Variants in VWC2 observed in about 807,000 individuals in gnomAD.
The protein encoded by VWC2 is brorin.
Under a neutral mutation model 29.8 loss-of-function variants are expected in VWC2, and 14 were observed. The observed-to-expected ratio is 0.47, with a 90% CI of 0.31 to 0.74. The LOEUF is 0.74. Among genes scored for constraint, VWC2 ranks in the 30% least tolerant of loss-of-function variants. VWC2 has a pLI of 0.05. For synonymous variants in VWC2, 213 were observed against 199.0 expected, an observed-to-expected ratio of 1.07 and a Z score of -0.59; for missense variants, 457 against 459.8, an observed-to-expected ratio of 0.99 and a Z score of 0.05.
chr7:49,906,110 CG>C (rs1554343765), intron 3 of VWC2, among the ~76,000 whole-genome samples: 1 of 152,122 alleles, frequency 6.6e-6, no homozygotes, highest in African/African-American at 2.4e-5. Context: ...GCTTTGTCTA[CG>C]GAGTAGCCAT....
chr7:49,834,711 A>G (rs544550924), intron 3 of VWC2, among the ~76,000 whole-genome samples: 4 of 152,346 alleles, frequency 2.6e-5, no homozygotes, highest in Admixed American at 6.5e-5. Flanking sequence ...TCAAGTAAGA[A>G]GCAAATCCCA....
intron 3 of VWC2, among the ~76,000 whole-genome samples, chr7:49,803,487 C>T (rs967411742): frequency 6.6e-5 from 10 of 152,288 alleles, no homozygotes; most frequent in African/African-American, 2.2e-4. Flanking sequence ...AATTATGGCC[C>T]GGAGGGCAGT....
chr7:49,877,188 G>A lies in VWC2; in HGVS notation c.827-34846G>A, dbSNP rs545149157. 5.3e-5 allele frequency among the ~76,000 whole-genome samples: 8 copies of A among 151,952 alleles called. No individual in the cohort carries two copies. In the South Asian group the frequency reaches 6.2e-4, roughly 12 times the overall value. ...CAAAAATATTTATTTGGGGCCGGGC[G>A]TAATGGCTCATGCCTGTAATCCCAG... On this transcript the variant is annotated intron_variant, in intron 3 of 3. Coordinates refer to ENST00000340652, the MANE Select transcript of VWC2 (RefSeq NM_198570.5).
intron 3 of VWC2, among the ~76,000 whole-genome samples, chr7:49,876,943 A>G (rs1791437259): frequency 6.6e-6 from 1 of 151,930 alleles, no homozygotes; most frequent in African/African-American, 2.4e-5. Flanking sequence ...TCTTTGCCCA[A>G]TTTCTTTTGA....
chr7:49,893,935 C>T (rs564209327), intron 3 of VWC2, among the ~76,000 whole-genome samples: 51 of 152,096 alleles, frequency 3.4e-4, no homozygotes, highest in South Asian at 4.1e-4. Context: ...AAATAAAATG[C>T]GTTGCCACAA....
chr7:49,831,386 G>A (rs911616824), intron 3 of VWC2, among the ~76,000 whole-genome samples: 1 of 152,122 alleles, frequency 6.6e-6, no homozygotes, highest in African/African-American at 2.4e-5. Flanking sequence ...CTGAACACTA[G>A]AATTCAGGAA....
intron 2 of VWC2, among the ~76,000 whole-genome samples, chr7:49,788,759 GGGGTGTGAGAGA>G (rs1788368408): frequency 6.9e-6 from 1 of 144,578 alleles, no homozygotes; most frequent in African/African-American, 2.7e-5. Context: ...TGTGGGTGTG[GGGGTGTGAGAGA>G]GGGTGTGTAT....
In VWC2 at chr7:49,915,869, TTC is replaced by T. The variant is rs1793695884; in HGVS notation, c.*3686_*3687del. The T allele has an allele frequency of 6.6e-6, 1 of 152,212 alleles. No homozygotes were observed. The highest frequency in any genetic ancestry group is 1.5e-5 in the Non-Finnish European group (1 of 68,038). The allele number at this position is 152,212 out of a possible 1,614,324, so 9.4% of individuals were successfully genotyped here. The stretch of plus-strand genomic sequence containing the variant: ...GCATCATTGGTAAAAACATACATGC[TTC>T]TTTGGCCAACATAATTTGTAACTGT... On this transcript the variant is annotated 3_prime_UTR_variant, in exon 4 of 4. Coordinates refer to ENST00000340652, the MANE Select transcript of VWC2 (RefSeq NM_198570.5).
chr7:49,775,434 G>A lies in VWC2; in HGVS notation c.-2G>A. ...CGCCCGCCCGCCGGGACGTGGTAGG[G>A]GATGCCCAGCTCCACTGCGATGGCA... On this transcript the variant is annotated 5_prime_UTR_variant, in exon 2 of 4. Transcript: ENST00000340652. 7.1e-7 allele frequency: 1 copy of A among 1,401,862 alleles called. No individual in the cohort carries two copies. The highest frequency in any genetic ancestry group is 9.3e-7 in the Non-Finnish European group (1 of 1,079,010). 86.8% of individuals were successfully genotyped at this position (1,401,862 alleles called of 1,614,324 possible). A position where few individuals can be genotyped will look rare whatever the true frequency, so the allele number is the denominator to read the frequency against.
chr7:49,906,221 G>A (rs1445741799), intron 3 of VWC2, among the ~76,000 whole-genome samples: 2 of 152,136 alleles, frequency 1.3e-5, no homozygotes, highest in East Asian at 3.8e-4. Context: ...CTCACTTGGG[G>A]TGTGGATCAG....
intron 3 of VWC2, among the ~76,000 whole-genome samples, chr7:49,819,556 C>T (rs761012863): frequency 6.6e-6 from 1 of 152,140 alleles, no homozygotes; most frequent in African/African-American, 2.4e-5. Context: ...GTGGGGAGAC[C>T]TGTTACAAAA....
intron 2 of VWC2, among the ~76,000 whole-genome samples, chr7:49,788,607 CTTA>C (rs1788359446): frequency 7.0e-6 from 1 of 142,356 alleles, no homozygotes; most frequent in Non-Finnish European, 1.5e-5. Flanking sequence ...TATCCACACT[CTTA>C]TGAGTGGTGG....
At chr7:49,797,405 G>A (rs1425252141) in intron 2 of VWC2, among the ~76,000 whole-genome samples, 1 of 152,204 alleles carries the variant, frequency 6.6e-6, no homozygotes, top group East Asian at 1.9e-4. Context: ...GCTAGTCATA[G>A]TGGAAAAAAA....
intron 3 of VWC2, among the ~76,000 whole-genome samples, chr7:49,821,767 C>T (rs1227149244): frequency 6.6e-6 from 1 of 151,658 alleles, no homozygotes; most frequent in East Asian, 1.9e-4. Context: ...GTTAAAAGTA[C>T]AATTATTTTT....
At chr7:49,868,713 G>A (rs1207357409) in intron 3 of VWC2, among the ~76,000 whole-genome samples, 1 of 152,150 alleles carries the variant, frequency 6.6e-6, no homozygotes, top group Non-Finnish European at 1.5e-5. Flanking sequence ...TGCCTCCTGG[G>A]TTCAAGTGAT....
chr7:49,854,521 G>A (rs1790333869), intron 3 of VWC2, among the ~76,000 whole-genome samples: 1 of 152,158 alleles, frequency 6.6e-6, no homozygotes, highest in African/African-American at 2.4e-5. Context: ...CTTTTGAGAA[G>A]TGTCTGTTCA....
intron 2 of VWC2, among the ~76,000 whole-genome samples, chr7:49,798,697 G>A (rs1373352109): frequency 2.0e-5 from 3 of 152,346 alleles, no homozygotes; most frequent in South Asian, 4.1e-4. Flanking sequence ...TGGAGGACTC[G>A]TGTGGAGTTC....
At chr7:49,829,231 T>C (rs1789470425) in intron 3 of VWC2, among the ~76,000 whole-genome samples, 1 of 152,248 alleles carries the variant, frequency 6.6e-6, no homozygotes, top group Admixed American at 6.5e-5. Context: ...TGTATCAGGA[T>C]TTCTCTTTAG....
intron 2 of VWC2, among the ~76,000 whole-genome samples, chr7:49,781,542 G>A (rs1251202572): frequency 6.6e-6 from 1 of 152,158 alleles, no homozygotes; most frequent in African/African-American, 2.4e-5. Flanking sequence ...GTCCGAAAAA[G>A]TTAAATAGCT....
Sources: allele counts gnomAD v4.1 joint callset (sites outside exome capture counted in the v4.1 genomes callset), GRCh38; gene constraint gnomAD v4.1.1; transcripts MANE v1.5; gene names NCBI Gene and HGNC (gene_info 2026-07-23, HGNC 2026-07-21).